MRPS5: variants seen among roughly 807,000 people sequenced by gnomAD.
The protein encoded by MRPS5 is mitochondrial ribosomal protein S5.
In MRPS5, 27 loss-of-function variants were observed where a neutral mutation model predicts 51.9. The observed-to-expected ratio is 0.52, with a 90% CI of 0.38 to 0.72. The LOEUF (loss-of-function observed/expected upper bound fraction) is 0.72, where lower values mean the gene tolerates loss of function less well. MRPS5 is among the 30% of genes least tolerant of loss of function. The pLI is 0.00. For missense variants in MRPS5, 570 were observed against 545.7 expected (o/e 1.04, Z -0.44); for synonymous variants, 196 against 193.2 (o/e 1.01, Z -0.12).
chr2:95,109,782 G>C, intron 4 of MRPS5, 134 bp downstream of exon 4: 8 of 992,640 alleles, frequency 8.1e-6, no homozygotes, highest in Non-Finnish European at 1.2e-5. Flanking sequence ...TAAGTCAACT[G>C]GTTGAATTCT....
chr2:95,086,770 A>G lies in MRPS5; in HGVS notation c.*587T>C, dbSNP rs540574501. On this transcript the variant is annotated 3_prime_UTR_variant, in exon 12 of 12. Coordinates refer to ENST00000272418, the MANE Select transcript of MRPS5 (RefSeq NM_031902.5). ...AAATGGGCAAAGGCTCTGAATAGACATTTCTCCAAAAAACATATACAAATG... is the reference window on the plus strand; with the variant it reads ...AAATGGGCAAAGGCTCTGAATAGACGTTTCTCCAAAAAACATATACAAATG... Among the ~76,000 whole-genome samples the G allele has an allele frequency of 6.6e-6, 1 of 152,370 alleles. No individual in the cohort carries two copies. The highest frequency in any genetic ancestry group is 2.1e-4 in the South Asian group (1 of 4,834).
chr2:95,115,051 G>T lies in MRPS5; in HGVS notation c.277+15C>A. On this transcript the variant is annotated intron_variant, in intron 3 of 11. Coordinates refer to ENST00000272418, the MANE Select transcript of MRPS5 (RefSeq NM_031902.5). The stretch of plus-strand genomic sequence containing the variant: ...CTGTTTCAAGAAACAGGAAGTTTGT[G>T]GCCATTCTACATACATTTAGTGAAG... 1 of 1,493,940 alleles carries T rather than the reference G, an allele frequency of 6.7e-7. No individual in the cohort carries two copies. Among genetic ancestry groups the T allele is most frequent in the Non-Finnish European group, 8.9e-7 (1 of 1,120,932 alleles). 92.5% of individuals were successfully genotyped at this position (1,493,940 alleles called of 1,614,324 possible). A position where few individuals can be genotyped will look rare whatever the true frequency, so the allele number is the denominator to read the frequency against.
At position 95,101,445 on chromosome 2, in the gene MRPS5, A is replaced by G. The variant is rs1392183521; in HGVS notation, c.810+232T>C. Among the ~76,000 whole-genome samples, 3 of 152,140 alleles carry G rather than the reference A, an allele frequency of 2.0e-5. No homozygotes were observed. In the East Asian group the frequency reaches 5.8e-4, roughly 29 times the overall value. On this transcript the variant is annotated intron_variant, in intron 8 of 11. Coordinates refer to ENST00000272418, the MANE Select transcript of MRPS5 (RefSeq NM_031902.5). ...CTTCAAACATTCTGTCAGTGTTCAA[A>G]CTTCCACAATTGTCTCATAACTTGG...
intron 10 of MRPS5, chr2:95,093,213 C>G (rs1558676392): frequency 6.6e-6 from 1 of 152,356 alleles, no homozygotes; most frequent in Non-Finnish European, 1.5e-5. Flanking sequence ...GAAGCTCGAA[C>G]TGGGTGGAGC....
At chr2:95,090,912 C>G (rs1328694719) in intron 10 of MRPS5, 3 of 169,160 alleles carry the variant, frequency 1.8e-5, no homozygotes, top group Admixed American at 1.8e-4. Flanking sequence ...CCACTTCCTC[C>G]TCCTGAAGAA....
intron 10 of MRPS5, among the ~76,000 whole-genome samples, chr2:95,094,298 C>G (rs1387019428): frequency 1.1e-4 from 16 of 152,100 alleles, no homozygotes; most frequent in East Asian, 1.9e-4. Context: ...GAACCAAGTT[C>G]GAAAACACTC....
At chr2:95,089,709 C>T (rs1478380833) in intron 11 of MRPS5, among the ~76,000 whole-genome samples, 1 of 152,246 alleles carries the variant, frequency 6.6e-6, no homozygotes, top group Non-Finnish European at 1.5e-5. Flanking sequence ...CTGGGTGCTT[C>T]ATCCTAGCCC....
intron 2 of MRPS5, among the ~76,000 whole-genome samples, chr2:95,116,639 A>C (rs2104429493): frequency 6.6e-6 from 1 of 152,362 alleles, no homozygotes; most frequent in African/African-American, 2.4e-5. Flanking sequence ...CTGAATTATT[A>C]TTAATTTCAG....
intron 10 of MRPS5, among the ~76,000 whole-genome samples, chr2:95,096,997 G>A (rs1303550102): frequency 1.3e-5 from 2 of 152,108 alleles, no homozygotes; most frequent in African/African-American, 4.8e-5. Context: ...AAAGTCTCAG[G>A]ATACAAAATC....
At chr2:95,118,163 A>G (rs1676344703) in intron 1 of MRPS5, among the ~76,000 whole-genome samples, 1 of 152,126 alleles carries the variant, frequency 6.6e-6, no homozygotes, top group Non-Finnish European at 1.5e-5. Context: ...CAGTCTCCTC[A>G]AAAATCAATG....
At chr2:95,106,579 C>T (rs766166351) in intron 5 of MRPS5, 122 bp from the exon 6 acceptor site, 246 of 825,640 alleles carry the variant, frequency 3.0e-4, no homozygotes, top group Non-Finnish European at 4.4e-4. Flanking sequence ...ATCTTTTGGT[C>T]CCACTCTCAA....
In MRPS5 at chr2:95,085,605, C is replaced by T. The variant is rs565217658; in HGVS notation, c.*1752G>A. On this transcript the variant is annotated 3_prime_UTR_variant, in exon 12 of 12. Coordinates refer to ENST00000272418, the MANE Select transcript of MRPS5 (RefSeq NM_031902.5). The stretch of plus-strand genomic sequence containing the variant: ...ATGGCCTGCTCCCTATCCCACGGTG[C>T]CATTAGGGTGCTCCTCCTACTTCCA... Among the ~76,000 whole-genome samples, 27 of 152,278 alleles carry T rather than the reference C, an allele frequency of 1.8e-4. No individual in the cohort carries two copies. The East Asian group carries it at 3.7e-3, about 21-fold the overall frequency.
intron 5 of MRPS5, 53 bp from the exon 6 acceptor site, chr2:95,106,510 C>T (rs1675955572): frequency 1.3e-5 from 19 of 1,460,750 alleles, no homozygotes; most frequent in Non-Finnish European, 1.6e-5. Context: ...ACACAATTAA[C>T]ATGAAAGCAT....
At chr2:95,100,411 A>G in intron 10 of MRPS5, 63 bp downstream of exon 10, 1 of 1,193,252 alleles carries the variant, frequency 8.4e-7, no homozygotes. Context: ...AATAGAGGAG[A>G]GGATAGAACT....
chr2:95,103,510 G>A (rs777795682), intron 7 of MRPS5, among the ~76,000 whole-genome samples: 21 of 152,170 alleles, frequency 1.4e-4, no homozygotes, highest in Non-Finnish European at 2.6e-4. Flanking sequence ...TTTGTGGGGA[G>A]GCAATCTAGG....
rs1157927127 is a variant in MRPS5 at position 95,100,826 on chromosome 2, T to A, written c.868+11A>T. ...TGCAAATTAAAAAAAAAAAAATAGA[T>A]TATCACTCACTTGTATGGTCTTCAT... On this transcript the variant is annotated intron_variant, in intron 9 of 11. Transcript: ENST00000272418. 1.3e-6 allele frequency: 2 copies of A among 1,576,898 alleles called. No homozygotes were observed. The highest frequency in any genetic ancestry group is 1.7e-6 in the Non-Finnish European group (2 of 1,162,990).
intron 10 of MRPS5, among the ~76,000 whole-genome samples, chr2:95,099,475 TTGA>T (rs1675734798): frequency 6.6e-6 from 1 of 152,236 alleles, no homozygotes; most frequent in Admixed American, 6.5e-5. Context: ...AATAATATTT[TTGA>T]GATATTTTAT....
rs561423763 is a variant in MRPS5, at chr2:95,115,458, T to A, written c.140-255A>T. ...GTAAAGAAAGAAGCAGATTTGTCCA[T>A]ACCGCAGTTTCAGCACTGCATTCGC... On this transcript the variant is annotated intron_variant, in intron 2 of 11. Coordinates refer to ENST00000272418, the MANE Select transcript of MRPS5 (RefSeq NM_031902.5). Among the ~76,000 whole-genome samples, 6 of 152,314 alleles carry A rather than the reference T, an allele frequency of 3.9e-5. No homozygotes were observed. The East Asian group carries it at 7.7e-4, about 20-fold the overall frequency.
At chr2:95,096,210 A>G (rs751121809) in intron 10 of MRPS5, among the ~76,000 whole-genome samples, 1 of 152,224 alleles carries the variant, frequency 6.6e-6, no homozygotes, top group Non-Finnish European at 1.5e-5. Context: ...ACCAACCAAA[A>G]AAAGTCCAGG....
Sources: allele counts gnomAD v4.1 joint callset (sites outside exome capture counted in the v4.1 genomes callset), GRCh38; gene constraint gnomAD v4.1.1; transcripts MANE v1.5; gene names NCBI Gene and HGNC (gene_info 2026-07-23, HGNC 2026-07-21).